The following PRRC2A variants were observed in gnomAD, a reference collection of about 807,000 sequenced individuals.
The protein encoded by PRRC2A is proline rich coiled-coil 2A, also known as protein PRRC2A.
A neutral mutation model predicts 224.6 loss-of-function variants in PRRC2A; 59 were observed. The ratio of observed to expected loss-of-function variants is 0.26; its 90% CI spans 0.21 to 0.33. The LOEUF (loss-of-function observed/expected upper bound fraction) is 0.33. Ranked by LOEUF, PRRC2A falls within the 10% of genes least tolerant of loss-of-function variation. The pLI is 1.00. For synonymous variants in PRRC2A, 1,194 were observed against 1,109.5 expected (o/e 1.08, Z -1.51); for missense variants, 3,095 against 2,880.7 (o/e 1.07, Z -1.70).
Position 31,627,098 on chromosome 6 carries a change from G to A in PRRC2A, c.1190G>A (p.Arg397Gln), listed in dbSNP as rs1471968715. 1.4e-5 allele frequency: 23 copies of A among 1,613,942 alleles called. 1 individual carries two copies. Among genetic ancestry groups the A allele is most frequent in the South Asian group, 8.8e-5 (8 of 91,084 alleles). ...AAGACGGCCTGGGCAGAAACCTCTC[G>A]GCCTCCAGAGACAGAGCCGGGACCT... ...TPKTAWAETS[R>Q]PPETEPGPPA... Residue 397 changes from arginine (R) to glutamine (Q), a missense_variant, in exon 11 of 31, where the codon CGG becomes CAG. Coordinates refer to ENST00000376033, the MANE Select transcript of PRRC2A (RefSeq NM_004638.4). The surrounding 1 kb of genome is among the most constrained non-coding windows in gnomAD (Gnocchi z 5.6).
Position 31,629,321 on chromosome 6 carries a change from A to G in PRRC2A, c.1943A>G (p.Gln648Arg). The G allele has an allele frequency of 1.3e-6, 2 of 1,564,382 alleles. No homozygotes were observed. Among genetic ancestry groups the G allele is most frequent in the Non-Finnish European group, 1.7e-6 (2 of 1,155,918 alleles). Residue 648 changes from glutamine to arginine, a missense_variant, in exon 13 of 31, where the codon CAG becomes CGG. Gln to Arg is a conservative substitution (Grantham distance 43, BLOSUM62 1). This residue lies in a region of PRRC2A where 2,001 missense variants were observed against 1,764.9 expected (regional missense o/e 1.13). Transcript: ENST00000376033. ...CAGAAGTCGTTGCCTCCTCGTTTCC[A>G]GCGGCAGCAGCAGGTGAAATCAAGT... ...KYQKSLPPRFQRQQQEQLLKQ... is the reference protein window; with the variant it reads ...KYQKSLPPRFRRQQQEQLLKQ...
rs1561830766 is a variant in PRRC2A, at chr6:31,633,008, CAA to C, written c.4319+18_4319+19del. On this transcript the variant is annotated intron_variant, in intron 16 of 30. Transcript: ENST00000376033. Reference sequence around the variant, plus strand: ...AGAACCGAAGGTGGGTAGGAACAAACAAATTTATTGTGGTTTAAAAATTGGAG... The same window carrying C: ...AGAACCGAAGGTGGGTAGGAACAAACATTTATTGTGGTTTAAAAATTGGAG... 5.3e-6 allele frequency: 8 copies of C among 1,513,860 alleles called. No individual in the cohort carries two copies. The highest frequency in any genetic ancestry group is 2.6e-6 in the Non-Finnish European group (3 of 1,133,216). The allele number at this position is 1,513,860 out of a possible 1,614,324, so 93.8% of individuals were successfully genotyped here. A position where few individuals can be genotyped will look rare whatever the true frequency, so the allele number is the denominator to read the frequency against.
At position 31,632,903 on chromosome 6, in the gene PRRC2A, C is replaced by G. The variant is rs1322045934; in HGVS notation, c.4230C>G (p.Ser1410Arg). ...GGGGCAAGGCTGGCAGCAGTGGCAG[C>G]AGCAGTGGAGGAGGCGGTGGGGGTC... ...GPGGKAGSSG[S>R]SSGGGGGGPG... Residue 1410 changes from serine (S) to arginine (R), a missense_variant, in exon 16 of 31, where the codon AGC becomes AGG. Transcript: ENST00000376033. 6 of 1,612,678 alleles carry G rather than the reference C, an allele frequency of 3.7e-6. No homozygotes were observed. The African/African-American group carries it at 6.7e-5, about 18-fold the overall frequency.
rs368593118 is a variant in PRRC2A at position 31,636,287 on chromosome 6, T to G, written c.5703T>G (p.Phe1901Leu). The change falls in exon 26 of 31, where the codon TTT (phenylalanine) becomes TTG (leucine). Residue 1901 changes from phenylalanine to leucine, a missense_variant. Physicochemically the swap from Phe to Leu is conservative, Grantham distance 22 (BLOSUM62 0). Around this residue, in one of 8 missense-constraint regions of PRRC2A, gnomAD observed 662 missense variants for 609.5 expected, o/e 1.09. Coordinates refer to ENST00000376033, the MANE Select transcript of PRRC2A (RefSeq NM_004638.4). This position sits in a 1 kb window ranked among gnomAD's most constrained non-coding sequence, Gnocchi z 4.3. ...CTGGGTTAGCTCTCAAGGGCCAGTT[T>G]CTGGATTTCTCCACAATGCAAGCTA... ...LLSGLALKGQFLDFSTMQATE... is the reference protein window; with the variant it reads ...LLSGLALKGQLLDFSTMQATE... 319 of 1,612,910 alleles carry G rather than the reference T, an allele frequency of 2.0e-4. No homozygotes were observed. The highest frequency in any genetic ancestry group is 2.5e-4 in the Non-Finnish European group (297 of 1,180,032).
Position 31,631,344 on chromosome 6 carries a change from G to A in PRRC2A, c.2671G>A (p.Ala891Thr). The A allele has an allele frequency of 1.2e-6, 2 of 1,602,616 alleles. No homozygotes were observed. Among genetic ancestry groups the A allele is most frequent in the South Asian group, 1.1e-5 (1 of 89,968 alleles). Residue 891 changes from alanine to threonine, a missense_variant, in exon 16 of 31, where the codon GCA becomes ACA. Transcript: ENST00000376033. The surrounding 1 kb of genome is among the most constrained non-coding windows in gnomAD (Gnocchi z 4.5). Reference sequence around the variant, plus strand: ...GAAGGAGCCCCCTAAGGAGGAGACTGCACAGCTGACGGGGCCAGAAGCAGG... The same window carrying A: ...GAAGGAGCCCCCTAAGGAGGAGACTACACAGCTGACGGGGCCAGAAGCAGG... ...PKKEPPKEETAQLTGPEAGRK... is the reference protein window; with the variant it reads ...PKKEPPKEETTQLTGPEAGRK...
chr6:31,636,034 C>T lies in PRRC2A; in HGVS notation c.5609C>T (p.Ser1870Leu). The T allele has an allele frequency of 3.1e-6, 5 of 1,612,420 alleles. No homozygotes were observed. Among genetic ancestry groups the T allele is most frequent in the Non-Finnish European group, 3.4e-6 (4 of 1,178,458 alleles). ...GGAGGCTTCCGCCCTGGGACACCCT[C>T]ACTGCACCCTTACAGGTAAGACTCG... ...NSGGFRPGTP[S>L]LHPYRSQPLY... The change falls in exon 25 of 31, where the codon TCA becomes TTA. Residue 1870 changes from serine to leucine, a missense_variant. By Grantham distance (145) the Ser-to-Leu change is moderately radical. Around this residue, in one of 8 missense-constraint regions of PRRC2A, gnomAD observed 662 missense variants for 609.5 expected, o/e 1.09. Coordinates refer to ENST00000376033, the MANE Select transcript of PRRC2A (RefSeq NM_004638.4). The surrounding 1 kb of genome is among the most constrained non-coding windows in gnomAD (Gnocchi z 4.3).
Position 31,634,983 on chromosome 6 carries a change from A to C in PRRC2A, c.5160+6A>C. 6.2e-7 allele frequency: 1 copy of C among 1,610,946 alleles called. No homozygotes were observed. The highest frequency in any genetic ancestry group is 1.1e-5 in the South Asian group (1 of 91,030). On this transcript the variant is annotated splice_donor_region_variant and intron_variant, in intron 21 of 30. Transcript: ENST00000376033. ...CCCACGATGGGGACAGAAAGGTAAA[A>C]GACCAAAAAAGGATAAGGGGAATGT...
chr6:31,637,530 G>T lies in PRRC2A; in HGVS notation c.6418G>T (p.Ala2140Ser). ...PPPREGPSRR[A>S]EEPGSRGDKE... ...ACCTCGAGAAGGGCCCTCCCGACGG[G>T]CAGAGGAGCCTGGGTCCCGAGGGGA... The change falls in exon 31 of 31, where the codon GCA becomes TCA. Residue 2140 changes from alanine to serine, a missense_variant. Transcript: ENST00000376033. The T allele has an allele frequency of 6.3e-7, 1 of 1,591,670 alleles. No individual in the cohort carries two copies. Among genetic ancestry groups the T allele is most frequent in the African/African-American group, 1.4e-5 (1 of 74,052 alleles).
chr6:31,630,657 C>T lies in PRRC2A; in HGVS notation c.2321C>T (p.Pro774Leu). The T allele has an allele frequency of 6.2e-7, 1 of 1,614,134 alleles. No individual in the cohort carries two copies. The highest frequency in any genetic ancestry group is 2.2e-5 in the East Asian group (1 of 44,890). ...TCAGAGCCATTTGACCGTCATGCAC[C>T]TGCTATGTTACGGGAACGGGGCACT... ...SSSEPFDRHA[P>L]AMLRERGTPP... The change falls in exon 15 of 31, where the codon CCT (proline) becomes CTT (leucine). Residue 774 changes from proline to leucine, a missense_variant. This residue lies in a region of PRRC2A where 2,001 missense variants were observed against 1,764.9 expected (regional missense o/e 1.13). Coordinates refer to ENST00000376033, the MANE Select transcript of PRRC2A (RefSeq NM_004638.4).
rs751077919 is a variant in PRRC2A at position 31,636,744 on chromosome 6, C to T, written c.5946C>T (p.Pro1982=). ...ATTTCTTGTTACAGATGCTTCTACC[C>T]ATGGTAGACTCACAGCTGCCTGTGG... ...SGAPAQQMLL[P]MVDSQLPVVN... is the part of the protein sequence containing the mutation. The change falls in exon 28 of 31, where the codon CCC becomes CCT. Residue 1982 remains proline (P), a synonymous_variant. Coordinates refer to ENST00000376033, the MANE Select transcript of PRRC2A (RefSeq NM_004638.4). The surrounding 1 kb of genome is among the most constrained non-coding windows in gnomAD (Gnocchi z 4.3). 18 of 1,607,124 alleles carry T rather than the reference C, an allele frequency of 1.1e-5. No individual in the cohort carries two copies. In the East Asian group the frequency reaches 3.3e-4, roughly 30 times the overall value.
chr6:31,627,095 C>T lies in PRRC2A; in HGVS notation c.1187C>T (p.Ser396Phe). The change falls in exon 11 of 31, where the codon TCT becomes TTT. Residue 396 changes from serine (S) to phenylalanine (F), a missense_variant. Transcript: ENST00000376033. The surrounding 1 kb of genome is among the most constrained non-coding windows in gnomAD (Gnocchi z 5.6). The stretch of plus-strand genomic sequence containing the variant: ...CCTAAGACGGCCTGGGCAGAAACCT[C>T]TCGGCCTCCAGAGACAGAGCCGGGA... ...PTPKTAWAET[S>F]RPPETEPGPP... 2.5e-6 allele frequency: 4 copies of T among 1,614,160 alleles called. No individual in the cohort carries two copies. Among genetic ancestry groups the T allele is most frequent in the Non-Finnish European group, 2.5e-6 (3 of 1,180,028 alleles).
In PRRC2A at chr6:31,636,314, A is replaced by G. The variant is rs1453937284; in HGVS notation, c.5730A>G (p.Thr1910=). The G allele has an allele frequency of 6.2e-7, 1 of 1,612,928 alleles. No individual in the cohort carries two copies. Among genetic ancestry groups the G allele is most frequent in the East Asian group, 2.2e-5 (1 of 44,890 alleles). ...QFLDFSTMQA[T]ELGKLPAGGV... Reference sequence around the variant, plus strand: ...TGGATTTCTCCACAATGCAAGCTACAGAGCTGGGGAAGTTGCCGGCTGGAG... The same window carrying G: ...TGGATTTCTCCACAATGCAAGCTACGGAGCTGGGGAAGTTGCCGGCTGGAG... The change falls in exon 26 of 31, where the codon ACA becomes ACG. Residue 1910 remains threonine, a synonymous_variant. Coordinates refer to ENST00000376033, the MANE Select transcript of PRRC2A (RefSeq NM_004638.4). The surrounding 1 kb of genome is among the most constrained non-coding windows in gnomAD (Gnocchi z 4.3).
chr6:31,621,207 CGTG>C (rs10527169), intron 1 of PRRC2A, among the ~76,000 whole-genome samples: 119,478 of 150,584 alleles, frequency 0.79, 47,624 homozygotes, highest in East Asian at 0.84. Flanking sequence ...GCTGCCGCCC[CGTG>C]GTGGTGGGCC....
rs986298511 is a variant in PRRC2A at position 31,635,453 on chromosome 6, A to G, written c.5361A>G (p.Ala1787=). 6.2e-7 allele frequency: 1 copy of G among 1,614,066 alleles called. No individual in the cohort carries two copies. Among genetic ancestry groups the G allele is most frequent in the African/African-American group, 1.3e-5 (1 of 74,946 alleles). Residue 1787 remains alanine (A), a synonymous_variant, in exon 23 of 31, where the codon GCA becomes GCG. Coordinates refer to ENST00000376033, the MANE Select transcript of PRRC2A (RefSeq NM_004638.4). ...TGAAAGCAGAGAAGGAGCTAACAGC[A>G]TCAGTCACTGAGGTAAGTGGGAGTA... ...DSLKAEKELT[A]SVTEAIPVSR... is the part of the protein sequence containing the mutation.
rs1775781263 is a variant in PRRC2A at position 31,625,340 on chromosome 6, C to T, written c.607+26C>T. 2.5e-6 allele frequency: 4 copies of T among 1,614,042 alleles called. No homozygotes were observed. In the African/African-American group the frequency reaches 4.0e-5, roughly 16 times the overall value. On this transcript the variant is annotated intron_variant, in intron 6 of 30. Coordinates refer to ENST00000376033, the MANE Select transcript of PRRC2A (RefSeq NM_004638.4). This position sits in a 1 kb window ranked among gnomAD's most constrained non-coding sequence, Gnocchi z 4.1. ...GTGAGTGGCTGCCTTTTGGCCAAGA[C>T]ATTACCTATTGCATCTCAGAGCTAG...
chr6:31,637,037 C>A lies in PRRC2A; in HGVS notation c.6148-5C>A. The A allele has an allele frequency of 6.3e-7, 1 of 1,597,962 alleles. No homozygotes were observed. Among genetic ancestry groups the A allele is most frequent in the Non-Finnish European group, 8.5e-7 (1 of 1,172,126 alleles). On this transcript the variant is annotated splice_region_variant and splice_polypyrimidine_tract_variant and intron_variant, in intron 28 of 30. Transcript: ENST00000376033. Reference sequence around the variant, plus strand: ...GTAGGCAGCTCATGATTTTTTTCCCCTCAGCTGCATCCAGTGGAACTAAAG... The same window carrying A: ...GTAGGCAGCTCATGATTTTTTTCCCATCAGCTGCATCCAGTGGAACTAAAG...
rs764280511 is a variant in PRRC2A at position 31,627,748 on chromosome 6, G to C, written c.1291-17G>C. 6.2e-7 allele frequency: 1 copy of C among 1,609,568 alleles called. No individual in the cohort carries two copies. The highest frequency in any genetic ancestry group is 1.1e-5 in the South Asian group (1 of 91,000). Reference sequence around the variant, plus strand: ...TAACTGATTCCCCTGGCCCTGCTGGGTCTTGCCAATTGACAGGATCGTGGG... The same window carrying C: ...TAACTGATTCCCCTGGCCCTGCTGGCTCTTGCCAATTGACAGGATCGTGGG... On this transcript the variant is annotated splice_polypyrimidine_tract_variant and intron_variant, in intron 11 of 30. Transcript: ENST00000376033. The surrounding 1 kb of genome is among the most constrained non-coding windows in gnomAD (Gnocchi z 5.6).
At chr6:31,628,524 G>C (rs542660128) in intron 12 of PRRC2A, 1 of 501,840 alleles carries the variant, frequency 2.0e-6, no homozygotes, top group South Asian at 3.8e-5. Flanking sequence ...AGCCTAGGGA[G>C]TTTGAGACCA....
Position 31,636,487 on chromosome 6 carries a change from T to G in PRRC2A, c.5836-23T>G. 4 of 1,609,006 alleles carry G rather than the reference T, an allele frequency of 2.5e-6. No homozygotes were observed. Among genetic ancestry groups the G allele is most frequent in the Non-Finnish European group, 3.4e-6 (4 of 1,177,060 alleles). On this transcript the variant is annotated intron_variant, in intron 26 of 30. Coordinates refer to ENST00000376033, the MANE Select transcript of PRRC2A (RefSeq NM_004638.4). This position sits in a 1 kb window ranked among gnomAD's most constrained non-coding sequence, Gnocchi z 4.3. ...GAGAATGATTTTGTGGGGGTTGATA[T>G]ATTTCTCCCTGTTTCCCGACAGGTA... is the stretch of plus-strand genomic sequence containing the variant.
Sources: gnomAD v4.1 joint callset for allele counts (sites outside exome capture counted in the v4.1 genomes callset) on GRCh38, gnomAD v4.1.1 for gene constraint, gnomAD v4.1.1 regional missense constraint, Gnocchi (gnomAD v3.1) non-coding constraint, MANE v1.5 for transcripts, NCBI Gene and HGNC (gene_info 2026-07-23, HGNC 2026-07-21) for gene names.